Variants in RPN1 observed in about 807,000 individuals in gnomAD.
RPN1 encodes the protein ribophorin I, also known as dolichyl-diphosphooligosaccharide--protein glycosyltransferase subunit 1.
Under a neutral mutation model 55.5 loss-of-function variants are expected in RPN1, and 12 were observed. The ratio of observed to expected loss-of-function variants is 0.22; its 90% CI spans 0.14 to 0.35. The LOEUF is 0.35. RPN1 is among the 10% of genes least tolerant of loss of function. RPN1 has a pLI of 1.00. For synonymous variants in RPN1, 317 were observed against 305.9 expected (o/e 1.04, Z -0.38); for missense variants, 679 against 761.3 (o/e 0.89, Z 1.27).
At chr3:128,637,409 T>C (rs1156638669) in intron 3 of RPN1, among the ~76,000 whole-genome samples, 5 of 152,146 alleles carry the variant, frequency 3.3e-5, no homozygotes, top group Admixed American at 1.3e-4. Flanking sequence ...AAGCCTTAAT[T>C]GCTCCCTCTC....
At chr3:128,649,122 A>T (rs1371202191) in intron 1 of RPN1, among the ~76,000 whole-genome samples, 1 of 152,238 alleles carries the variant, frequency 6.6e-6, no homozygotes, top group African/African-American at 2.4e-5. Flanking sequence ...GAGGTGACAG[A>T]TATGTTTATT....
intron 3 of RPN1, among the ~76,000 whole-genome samples, chr3:128,636,290 GTC>G (rs1200441274): frequency 1.3e-5 from 2 of 151,756 alleles, no homozygotes; most frequent in African/African-American, 4.8e-5. Context: ...GAGAAACCCC[GTC>G]TCTACAAAAA....
intron 3 of RPN1, among the ~76,000 whole-genome samples, chr3:128,635,207 A>G (rs1405067126): frequency 1.3e-5 from 2 of 152,178 alleles, no homozygotes; most frequent in African/African-American, 4.8e-5. Flanking sequence ...ATCCTCATAC[A>G]TTTAGAAGGA....
intron 5 of RPN1, 69 bp from the exon 6 acceptor site, chr3:128,626,901 C>A: frequency 1.4e-6 from 2 of 1,380,376 alleles, no homozygotes; most frequent in African/African-American, 2.8e-5. Flanking sequence ...GAAAGAAGTA[C>A]AGGGGCTCAC....
chr3:128,641,754 A>G lies in RPN1; in HGVS notation c.326+3165T>C, dbSNP rs533309054. Reference sequence around the variant, plus strand: ...CTCCCGAGTAGCTGGGGTTACAGGCATGCACCACCACTCCTGGCTAACTTT... The same window carrying G: ...CTCCCGAGTAGCTGGGGTTACAGGCGTGCACCACCACTCCTGGCTAACTTT... On this transcript the variant is annotated intron_variant, in intron 2 of 9. Coordinates refer to ENST00000296255, the MANE Select transcript of RPN1 (RefSeq NM_002950.4). Among the ~76,000 whole-genome samples the G allele has an allele frequency of 2.6e-4, 40 of 151,738 alleles. No individual in the cohort carries two copies. In the East Asian group the frequency reaches 7.6e-3, roughly 29 times the overall value.
chr3:128,622,807 G>C (rs1435032052), intron 8 of RPN1, among the ~76,000 whole-genome samples: 1 of 151,264 alleles, frequency 6.6e-6, no homozygotes. Flanking sequence ...TGAGGCAGGA[G>C]AATCACCTGA....
intron 1 of RPN1, among the ~76,000 whole-genome samples, chr3:128,647,759 T>C (rs1323718272): frequency 6.6e-6 from 1 of 151,832 alleles, no homozygotes; most frequent in Admixed American, 6.6e-5. Context: ...TTGTGTTCAG[T>C]TATACAGACT....
intron 3 of RPN1, among the ~76,000 whole-genome samples, chr3:128,633,075 ATTCAC>A (rs2069652821): frequency 6.6e-6 from 1 of 152,190 alleles, no homozygotes; most frequent in South Asian, 2.1e-4. Context: ...TAAAACTACA[ATTCAC>A]TCATAATCAT....
chr3:128,627,038 C>T (rs912502463), intron 5 of RPN1: 10 of 562,524 alleles, frequency 1.8e-5, no homozygotes, highest in African/African-American at 1.7e-4. Context: ...AAAACACCGA[C>T]AGCCACAAGA....
intron 1 of RPN1, among the ~76,000 whole-genome samples, chr3:128,650,122 G>A (rs2069804969): frequency 1.3e-5 from 2 of 152,240 alleles, no homozygotes; most frequent in African/African-American, 4.8e-5. Flanking sequence ...GGCGCCCGCT[G>A]GCACCGGGCC....
intron 6 of RPN1, 110 bp downstream of exon 6, chr3:128,626,623 A>G: frequency 1.1e-6 from 1 of 899,668 alleles, no homozygotes; most frequent in Middle Eastern, 2.2e-4. Context: ...AAGTAAATCT[A>G]GAGAAAAGTG....
rs1264276058 is a variant in RPN1, at chr3:128,630,141, G to T, written c.846C>A (p.Thr282=). ...SGISSIRSFK[T]ILPAAAQDVY... is the part of the protein sequence containing the mutation. ...CATCCTGGGCAGCAGCAGGAAGGAT[G>T]GTCTGCAAGAGAGTGGATATGCCCT... Residue 282 remains threonine, a splice_region_variant and synonymous_variant, in exon 5 of 10, where the codon ACC becomes ACA. Coordinates refer to ENST00000296255, the MANE Select transcript of RPN1 (RefSeq NM_002950.4). The T allele has an allele frequency of 2.5e-6, 4 of 1,610,986 alleles. No individual in the cohort carries two copies. The highest frequency in any genetic ancestry group is 3.4e-6 in the Non-Finnish European group (4 of 1,177,836).
rs189108598 is a variant in RPN1, at chr3:128,637,739, T to C, written c.633+60A>G. On this transcript the variant is annotated intron_variant, in intron 3 of 9. Transcript: ENST00000296255. ...ACCACCCAAGCCTATCAACCAGTAGTCACTCTGCAAGACATTCTCTGAAGC... is the reference window on the plus strand; with the variant it reads ...ACCACCCAAGCCTATCAACCAGTAGCCACTCTGCAAGACATTCTCTGAAGC... 55 of 1,532,226 alleles carry C rather than the reference T, an allele frequency of 3.6e-5. No individual in the cohort carries two copies. The African/African-American group carries it at 7.1e-4, about 20-fold the overall frequency. The allele number at this position is 1,532,226 out of a possible 1,614,324, so 94.9% of individuals were successfully genotyped here.
At chr3:128,622,657 G>A (rs1391838719) in intron 8 of RPN1, among the ~76,000 whole-genome samples, 1 of 152,162 alleles carries the variant, frequency 6.6e-6, no homozygotes, top group Non-Finnish European at 1.5e-5. Flanking sequence ...CACTTTGGGA[G>A]GCCAAGGTGG....
chr3:128,646,009 C>G (rs2069764045), intron 1 of RPN1, among the ~76,000 whole-genome samples: 1 of 151,898 alleles, frequency 6.6e-6, no homozygotes, highest in Non-Finnish European at 1.5e-5. Context: ...CTTTGGGAGG[C>G]CAAGGTGGGC....
intron 2 of RPN1, among the ~76,000 whole-genome samples, chr3:128,641,351 C>A (rs537934992): frequency 6.6e-6 from 1 of 152,050 alleles, no homozygotes; most frequent in African/African-American, 2.4e-5. Flanking sequence ...ATAAAGCCCA[C>A]GCCTTTAATA....
At position 128,650,540 on chromosome 3, in the gene RPN1, C is replaced by T. The variant is rs2069810127; in HGVS notation, c.261G>A (p.Gln87=). 1.3e-6 allele frequency: 2 copies of T among 1,539,618 alleles called. No homozygotes were observed. The highest frequency in any genetic ancestry group is 2.4e-5 in the East Asian group (1 of 40,822). ...LEARLAHLGV[Q]VKGEDEEENN... ...GCGGCGAGGGGTCGCCCACACTCAC[C>T]TGCACGCCCAGGTGCGCCAGCCGGG... Residue 87 remains glutamine, a splice_region_variant and synonymous_variant, in exon 1 of 10, where the codon CAG becomes CAA. Coordinates refer to ENST00000296255, the MANE Select transcript of RPN1 (RefSeq NM_002950.4).
In RPN1 at chr3:128,650,791, G is replaced by T; in HGVS notation, c.10C>A (p.Pro4Thr). 6.5e-7 allele frequency: 1 copy of T among 1,533,844 alleles called. No individual in the cohort carries two copies. Reference sequence around the variant, plus strand: ...AGGAGCAGAAACAAGCCGGCGGCTGGCGCCTCCATGACCGGGAAGAGCAGT... The same window carrying T: ...AGGAGCAGAAACAAGCCGGCGGCTGTCGCCTCCATGACCGGGAAGAGCAGT... MEA[P>T]AAGLFLLLLL... Residue 4 changes from proline (P) to threonine (T), a missense_variant, in exon 1 of 10, where the codon CCA becomes ACA. Coordinates refer to ENST00000296255, the MANE Select transcript of RPN1 (RefSeq NM_002950.4).
rs140673962 is a variant in RPN1 at position 128,637,783 on chromosome 3, C to A, written c.633+16G>T. Reference sequence around the variant, plus strand: ...CTGAAGCAGACAGGGATGGGCTGGACTCCACCTGAGCTTACCTGACTATAG... The same window carrying A: ...CTGAAGCAGACAGGGATGGGCTGGAATCCACCTGAGCTTACCTGACTATAG... On this transcript the variant is annotated intron_variant, in intron 3 of 9. Coordinates refer to ENST00000296255, the MANE Select transcript of RPN1 (RefSeq NM_002950.4). 70 of 1,606,400 alleles carry A rather than the reference C, an allele frequency of 4.4e-5. No individual in the cohort carries two copies. In the African/African-American group the frequency reaches 8.0e-4, roughly 18 times the overall value.
Sources: gnomAD v4.1 joint callset for allele counts (sites outside exome capture counted in the v4.1 genomes callset) on GRCh38, gnomAD v4.1.1 for gene constraint, MANE v1.5 for transcripts, NCBI Gene and HGNC (gene_info 2026-07-23, HGNC 2026-07-21) for gene names.